Variants in ZNF462 observed in about 807,000 individuals in gnomAD.
ZNF462 encodes the protein zinc finger protein 462, also known as zinc finger PBX1-interacting protein.
Under a neutral mutation model 201.9 loss-of-function variants are expected in ZNF462, and 10 were observed. The ratio of observed to expected loss-of-function variants is 0.05; its 90% CI spans 0.03 to 0.08. ZNF462 has a LOEUF of 0.08. ZNF462 is among the 10% of genes least tolerant of loss of function. The pLI, the probability that ZNF462 is intolerant of heterozygous loss-of-function variation, is 1.00. For synonymous variants in ZNF462, 1,227 were observed against 1,193.3 expected, an observed-to-expected ratio of 1.03 and a Z score of -0.58; for missense variants, 2,523 against 3,168.3, an observed-to-expected ratio of 0.80 and a Z score of 4.89.
chr9:106,887,475 C>G (rs1588001366), intron 1 of ZNF462, among the ~76,000 whole-genome samples: 1 of 152,314 alleles, frequency 6.6e-6, no homozygotes, highest in East Asian at 1.9e-4. Context: ...TTCCAAGATA[C>G]TTCCTGACAG....
rs533130982 is a variant in ZNF462, at chr9:106,931,563, G to A, written c.6012+874G>A. Among the ~76,000 whole-genome samples, 8 of 152,242 alleles carry A rather than the reference G, an allele frequency of 5.3e-5. 1 individual carries two copies. In the South Asian group the frequency reaches 1.7e-3, roughly 32 times the overall value. On this transcript the variant is annotated intron_variant, in intron 4 of 12. Transcript: ENST00000277225. ...CTTTCTGTCTTTTGGCAGAACAGTG[G>A]CAACCCAGGGATATCAGCAGTCACT...
At chr9:106,948,238 A>C (rs1238090989) in intron 7 of ZNF462, among the ~76,000 whole-genome samples, 1 of 151,902 alleles carries the variant, frequency 6.6e-6, no homozygotes, top group East Asian at 1.9e-4. Flanking sequence ...AAGGAAGGAG[A>C]GGTAGAGCCA....
intron 7 of ZNF462, among the ~76,000 whole-genome samples, chr9:106,948,517 G>A (rs935890914): frequency 7.2e-5 from 11 of 152,138 alleles, no homozygotes; most frequent in Non-Finnish European, 1.5e-4. Flanking sequence ...CTAACGAACA[G>A]CTTTATGGCA....
At chr9:106,996,165 A>G (rs1227407800) in intron 10 of ZNF462, among the ~76,000 whole-genome samples, 1 of 152,180 alleles carries the variant, frequency 6.6e-6, no homozygotes, top group African/African-American at 2.4e-5. Context: ...TTATGGCTGC[A>G]TAGTATTCCA....
At chr9:106,862,668 A>G (rs1366094589), upstream of ZNF462, among the ~76,000 whole-genome samples, 1 of 151,718 alleles carries the variant, frequency 6.6e-6, no homozygotes, top group East Asian at 1.9e-4. The surrounding 1 kb of genome is among the most constrained non-coding windows in gnomAD (Gnocchi z 4.2). Context: ...TGACAAAGAC[A>G]ATGTCCCAGC....
chr9:106,877,667 A>G (rs890086949), intron 1 of ZNF462, among the ~76,000 whole-genome samples: 4 of 152,152 alleles, frequency 2.6e-5, no homozygotes, highest in Non-Finnish European at 5.9e-5. Flanking sequence ...GGTGTAAGCC[A>G]CTGCGTCCAG....
chr9:106,923,236 A>T lies in ZNF462; in HGVS notation c.-30-118A>T, dbSNP rs530902679. The T allele has an allele frequency of 8.9e-5, 64 of 717,312 alleles. 1 individual carries two copies. The highest frequency in any genetic ancestry group is 7.8e-4 in the African/African-American group (44 of 56,662). 44.4% of individuals were successfully genotyped at this position (717,312 alleles called of 1,614,324 possible). On this transcript the variant is annotated intron_variant, in intron 1 of 12. Transcript: ENST00000277225. The surrounding 1 kb of genome is among the most constrained non-coding windows in gnomAD (Gnocchi z 5.6). ...GCCAATGTTCCAACTGGCAAAGTCC[A>T]ATAAGAGAAATCTACTGATACTGGA...
chr9:106,940,762 T>C (rs774503100), intron 7 of ZNF462, among the ~76,000 whole-genome samples: 2 of 152,082 alleles, frequency 1.3e-5, no homozygotes, highest in Admixed American at 6.5e-5. Context: ...GTTTTTTTTT[T>C]CTCTTCTGGG....
intron 9 of ZNF462, among the ~76,000 whole-genome samples, chr9:106,980,682 G>A (rs559764597): frequency 1.3e-5 from 2 of 152,276 alleles, no homozygotes; most frequent in African/African-American, 2.4e-5. Flanking sequence ...ATGTCCTGCT[G>A]CAGCACCAAG....
chr9:106,953,656 T>C (rs1831451251), intron 7 of ZNF462, among the ~76,000 whole-genome samples: 1 of 152,140 alleles, frequency 6.6e-6, no homozygotes, highest in Non-Finnish European at 1.5e-5. Context: ...TCTCTCTCTC[T>C]CTTTACAGAT....
intron 10 of ZNF462, among the ~76,000 whole-genome samples, chr9:106,991,349 A>G (rs1041837026): frequency 6.6e-6 from 1 of 152,076 alleles, no homozygotes; most frequent in South Asian, 2.1e-4. Context: ...GAATACATTT[A>G]ACATGAGAAC....
intron 7 of ZNF462, among the ~76,000 whole-genome samples, chr9:106,939,755 C>A (rs981378262): frequency 6.6e-6 from 1 of 152,170 alleles, no homozygotes; most frequent in Non-Finnish European, 1.5e-5. Context: ...GAGAAAGAGT[C>A]CAGACCTTAG....
chr9:106,955,599 T>C (rs536380716), intron 7 of ZNF462, among the ~76,000 whole-genome samples: 1 of 152,274 alleles, frequency 6.6e-6, no homozygotes, highest in East Asian at 1.9e-4. Flanking sequence ...ACAAAAGTTT[T>C]ATCTGCAGCA....
intron 1 of ZNF462, among the ~76,000 whole-genome samples, chr9:106,868,474 C>G (rs961174724): frequency 6.6e-6 from 1 of 152,086 alleles, no homozygotes; most frequent in African/African-American, 2.4e-5. Context: ...GGGTGAGGAG[C>G]AAAAATATTA....
intron 9 of ZNF462, chr9:106,975,003 T>C (rs1400586173): frequency 6.6e-6 from 1 of 152,196 alleles, no homozygotes; most frequent in Non-Finnish European, 1.5e-5. Context: ...TCCACTTCGG[T>C]CTTTCTTTGA....
rs1472745890 is a variant in ZNF462 at position 106,993,254 on chromosome 9, C to T, written c.7056+8845C>T. On this transcript the variant is annotated intron_variant, in intron 10 of 12. Transcript: ENST00000277225. The surrounding 1 kb of genome is among the most constrained non-coding windows in gnomAD (Gnocchi z 4.0). ...TAAAGATGTCAGACTATATCATCCA[C>T]GGACTGGACAGAATCCTGGTACCAG... Among the ~76,000 whole-genome samples the T allele has an allele frequency of 2.6e-5, 4 of 152,212 alleles. No individual in the cohort carries two copies. The highest frequency in any genetic ancestry group is 2.9e-5 in the Non-Finnish European group (2 of 67,986).
chr9:106,898,908 A>T lies in ZNF462; in HGVS notation c.-30-24446A>T, dbSNP rs181081075. On this transcript the variant is annotated intron_variant, in intron 1 of 12. Coordinates refer to ENST00000277225, the MANE Select transcript of ZNF462 (RefSeq NM_021224.6). ...AAGGAGAAGTAAGGAACATGAAAGC[A>T]GTTTGTGAAAAGGAGGAATTAATGA... Among the ~76,000 whole-genome samples, 3 of 152,310 alleles carry T rather than the reference A, an allele frequency of 2.0e-5. No individual in the cohort carries two copies. In the East Asian group the frequency reaches 5.8e-4, roughly 29 times the overall value.
At chr9:106,987,799 T>G (rs1467755328) in intron 10 of ZNF462, among the ~76,000 whole-genome samples, 2 of 152,350 alleles carry the variant, frequency 1.3e-5, no homozygotes, top group South Asian at 4.1e-4. Flanking sequence ...GTTTCTCCTC[T>G]TAGATTTAAG....
Position 106,923,674 on chromosome 9 carries a change from T to C in ZNF462, c.220+71T>C, listed in dbSNP as rs1294788448. ...CTTGTTTCCTTTTAGCCTGTAGCCA[T>C]GGTTCTTAATATACGTGGCTTTTGC... On this transcript the variant is annotated intron_variant, in intron 2 of 12. Coordinates refer to ENST00000277225, the MANE Select transcript of ZNF462 (RefSeq NM_021224.6). This position sits in a 1 kb window ranked among gnomAD's most constrained non-coding sequence, Gnocchi z 5.6. The C allele has an allele frequency of 6.6e-7, 1 of 1,508,196 alleles. No individual in the cohort carries two copies. The highest frequency in any genetic ancestry group is 9.1e-7 in the Non-Finnish European group (1 of 1,093,336). 93.4% of individuals were successfully genotyped at this position (1,508,196 alleles called of 1,614,324 possible).
Sources: gnomAD v4.1 joint callset for allele counts (sites outside exome capture counted in the v4.1 genomes callset) on GRCh38, gnomAD v4.1.1 for gene constraint, Gnocchi (gnomAD v3.1) non-coding constraint, MANE v1.5 for transcripts, NCBI Gene and HGNC (gene_info 2026-07-23, HGNC 2026-07-21) for gene names.